Variants in ZNRF2 observed in about 807,000 individuals in gnomAD.
ZNRF2 encodes E3 ubiquitin-protein ligase ZNRF2.
In ZNRF2, 16 loss-of-function variants were observed where a neutral mutation model predicts 20.4. The ratio of observed to expected loss-of-function variants is 0.79; its 90% CI spans 0.53 to 1.19. The LOEUF is 1.19. ZNRF2 is among the 50% of genes most tolerant of loss of function. The pLI is 0.00. For synonymous variants in ZNRF2, 178 were observed against 144.9 expected (o/e 1.23, Z -1.64); for missense variants, 363 against 332.4 (o/e 1.09, Z -0.72).
intron 1 of ZNRF2, among the ~76,000 whole-genome samples, chr7:30,314,314 AACATT>A (rs1249203857): frequency 2.0e-5 from 3 of 152,322 alleles, no homozygotes; most frequent in African/African-American, 4.8e-5. Context: ...GGGCACACGT[AACATT>A]ACATTACATA....
rs192266422 is a variant in ZNRF2, at chr7:30,307,060, A to G, written c.470-16582A>G. Reference sequence around the variant, plus strand: ...CAGTAGTTTAATGGTAAGTATTTAAATAAGATTTACAAAGTTTTTGACCTA... The same window carrying G: ...CAGTAGTTTAATGGTAAGTATTTAAGTAAGATTTACAAAGTTTTTGACCTA... On this transcript the variant is annotated intron_variant, in intron 1 of 4. Coordinates refer to ENST00000323037, the MANE Select transcript of ZNRF2 (RefSeq NM_147128.4). Among the ~76,000 whole-genome samples the G allele has an allele frequency of 1.0e-3, 156 of 152,172 alleles. 1 individual carries two copies. The highest frequency in any genetic ancestry group is 7.2e-4 in the Non-Finnish European group (49 of 67,964).
At chr7:30,361,224 G>A (rs1198143843) in intron 3 of ZNRF2, among the ~76,000 whole-genome samples, 1 of 152,252 alleles carries the variant, frequency 6.6e-6, no homozygotes, top group East Asian at 1.9e-4. Flanking sequence ...CCAGGGCCAA[G>A]TGGTAGAGAG....
chr7:30,357,619 G>C (rs1424674669), intron 3 of ZNRF2, among the ~76,000 whole-genome samples: 1 of 152,048 alleles, frequency 6.6e-6, no homozygotes, highest in Admixed American at 6.6e-5. Flanking sequence ...ATTTTAAAAT[G>C]ACACACTAGA....
chr7:30,327,746 A>G (rs897963138), intron 2 of ZNRF2, among the ~76,000 whole-genome samples: 1 of 151,996 alleles, frequency 6.6e-6, no homozygotes, highest in African/African-American at 2.4e-5. Context: ...GCTGGAGCTC[A>G]GTGGCTATCT....
intron 4 of ZNRF2, among the ~76,000 whole-genome samples, chr7:30,365,698 A>C (rs1008676952): frequency 2.0e-5 from 3 of 152,232 alleles, no homozygotes; most frequent in African/African-American, 4.8e-5. Flanking sequence ...ATCCTTCAGC[A>C]TAAGAATTTA....
At chr7:30,308,781 G>A (rs1399304561) in intron 1 of ZNRF2, among the ~76,000 whole-genome samples, 1 of 151,990 alleles carries the variant, frequency 6.6e-6, no homozygotes, top group Non-Finnish European at 1.5e-5. Flanking sequence ...ATTAGAATTT[G>A]AGTATTTTCT....
chr7:30,313,533 TGA>T (rs1313768022), intron 1 of ZNRF2, among the ~76,000 whole-genome samples: 3 of 152,090 alleles, frequency 2.0e-5, no homozygotes, highest in Non-Finnish European at 2.9e-5. Context: ...GCCTTTCTAC[TGA>T]GAGAAAATTC....
rs569930079 is a variant in ZNRF2, at chr7:30,355,064, T to C, written c.566-664T>C. On this transcript the variant is annotated intron_variant, in intron 2 of 4. Coordinates refer to ENST00000323037, the MANE Select transcript of ZNRF2 (RefSeq NM_147128.4). The stretch of plus-strand genomic sequence containing the variant: ...ACCATAGAGTTTTTTGTTTGTTTGT[T>C]TTTAAATACCCTGCAGATCCTTTTG... Among the ~76,000 whole-genome samples the C allele has an allele frequency of 7.2e-5, 11 of 152,296 alleles. No individual in the cohort carries two copies. The South Asian group carries it at 2.1e-3, about 29-fold the overall frequency.
At chr7:30,334,349 C>T (rs1206602237) in intron 2 of ZNRF2, among the ~76,000 whole-genome samples, 1 of 152,066 alleles carries the variant, frequency 6.6e-6, no homozygotes, top group African/African-American at 2.4e-5. Flanking sequence ...TTCCATTGGT[C>T]TTTGTGTCTA....
chr7:30,357,397 A>G (rs1800057697), intron 3 of ZNRF2, among the ~76,000 whole-genome samples: 1 of 152,168 alleles, frequency 6.6e-6, no homozygotes, highest in Non-Finnish European at 1.5e-5. Context: ...TCAAAGAAAA[A>G]ATCATCATGG....
chr7:30,358,896 A>G (rs1253059157), intron 3 of ZNRF2, among the ~76,000 whole-genome samples: 1 of 152,332 alleles, frequency 6.6e-6, no homozygotes, highest in African/African-American at 2.4e-5. Flanking sequence ...CTCTCGATTC[A>G]TAAGATGAAG....
chr7:30,296,955 T>C (rs376710493), intron 1 of ZNRF2, among the ~76,000 whole-genome samples: 1 of 152,122 alleles, frequency 6.6e-6, no homozygotes, highest in South Asian at 2.1e-4. Context: ...GAGATGAGAC[T>C]TAGAAGTTAG....
chr7:30,320,868 T>C (rs1664689858), intron 1 of ZNRF2, among the ~76,000 whole-genome samples: 1 of 152,238 alleles, frequency 6.6e-6, no homozygotes, highest in African/African-American at 2.4e-5. Flanking sequence ...TTTTCTTTTG[T>C]TGCATAATGC....
At chr7:30,333,363 C>CTT (rs1250477674) in intron 2 of ZNRF2, among the ~76,000 whole-genome samples, 131 of 130,632 alleles carry the variant, frequency 1.0e-3, no homozygotes, top group African/African-American at 3.4e-3. Context: ...CATATTTTGA[C>CTT]TTTTTTTTTT....
intron 1 of ZNRF2, among the ~76,000 whole-genome samples, chr7:30,320,904 TG>T (rs1799459804): frequency 6.6e-6 from 1 of 152,212 alleles, no homozygotes; most frequent in Admixed American, 6.5e-5. Flanking sequence ...AAAAACTGAT[TG>T]GAAGCTTTAT....
Position 30,353,500 on chromosome 7 carries a change from C to G in ZNRF2, c.566-2228C>G, listed in dbSNP as rs1229623401. 2.0e-5 allele frequency among the ~76,000 whole-genome samples: 3 copies of G among 152,000 alleles called. No homozygotes were observed. In the East Asian group the frequency reaches 5.8e-4, roughly 29 times the overall value. On this transcript the variant is annotated intron_variant, in intron 2 of 4. Transcript: ENST00000323037. ...CTAAAAAGATTGTTTAAACTTAGTA[C>G]CTGCAAAGCATCTGAGGGATAAGTC...
chr7:30,328,332 TAG>T (rs1799584413), intron 2 of ZNRF2, among the ~76,000 whole-genome samples: 1 of 152,206 alleles, frequency 6.6e-6, no homozygotes, highest in Admixed American at 6.5e-5. Flanking sequence ...GTTGATTCCA[TAG>T]AGAGATACAT....
chr7:30,307,558 G>A (rs1799230440), intron 1 of ZNRF2, among the ~76,000 whole-genome samples: 1 of 151,664 alleles, frequency 6.6e-6, no homozygotes, highest in Non-Finnish European at 1.5e-5. Context: ...GAATGATACT[G>A]TTTTTATTGA....
In ZNRF2 at chr7:30,320,326, CAG is replaced by C. The variant is rs370470732; in HGVS notation, c.470-3308_470-3307del. On this transcript the variant is annotated intron_variant, in intron 1 of 4. Transcript: ENST00000323037. ...TCAGGTATATAGAAAGATAACTATA[CAG>C]AGAGAGATGAATCAAGGATGAATCA... Among the ~76,000 whole-genome samples, 45 of 151,994 alleles carry C rather than the reference CAG, an allele frequency of 3.0e-4. No homozygotes were observed. The East Asian group carries it at 6.6e-3, about 22-fold the overall frequency.
Sources: gnomAD v4.1 joint callset for allele counts (sites outside exome capture counted in the v4.1 genomes callset) on GRCh38, gnomAD v4.1.1 for gene constraint, MANE v1.5 for transcripts, NCBI Gene and HGNC (gene_info 2026-07-23, HGNC 2026-07-21) for gene names.